Variants in FRYL observed in about 807,000 individuals in gnomAD.
FRYL encodes the protein FRY like transcription coactivator.
Under a neutral mutation model 351.2 loss-of-function variants are expected in FRYL, and 150 were observed. The ratio of observed to expected loss-of-function variants is 0.43; its 90% CI spans 0.37 to 0.49. FRYL has a LOEUF of 0.49. Ranked by LOEUF, FRYL falls within the 20% of genes least tolerant of loss-of-function variation. The pLI is 0.00. For missense variants in FRYL, 3,036 were observed against 3,619.3 expected (o/e 0.84, Z 4.13); for synonymous variants, 1,153 against 1,257.1 (o/e 0.92, Z 1.75).
chr4:48,537,007 AT>A (rs2148911258), intron 47 of FRYL, among the ~76,000 whole-genome samples: 1 of 152,302 alleles, frequency 6.6e-6, no homozygotes, highest in South Asian at 2.1e-4. Flanking sequence ...AGCTGATTTC[AT>A]GCAGTAGTGT....
chr4:48,674,081 T>C (rs1431797644), intron 3 of FRYL, among the ~76,000 whole-genome samples: 2 of 152,252 alleles, frequency 1.3e-5, no homozygotes, highest in Non-Finnish European at 2.9e-5. Flanking sequence ...TGTTAAAATA[T>C]ATTTTTTGTT....
At chr4:48,765,389 T>C (rs567328588) in intron 1 of FRYL, among the ~76,000 whole-genome samples, 1 of 152,150 alleles carries the variant, frequency 6.6e-6, no homozygotes, top group South Asian at 2.1e-4. Context: ...GTGCCAAAAA[T>C]GTACAAGGGG....
chr4:48,713,149 G>A (rs1386526342), intron 1 of FRYL, among the ~76,000 whole-genome samples: 3 of 151,824 alleles, frequency 2.0e-5, no homozygotes, highest in Admixed American at 2.0e-4. Context: ...AGACCATCGA[G>A]ACTAGGAAGA....
chr4:48,565,175 A>G (rs1467436466), intron 29 of FRYL, 132 bp from the exon 30 acceptor site: 1 of 520,182 alleles, frequency 1.9e-6, no homozygotes, highest in Non-Finnish European at 3.3e-6. Context: ...TATTTTTTAA[A>G]ACTGAGAAAT....
At chr4:48,628,425 C>A (rs1394437327) in intron 4 of FRYL, among the ~76,000 whole-genome samples, 1 of 71,610 alleles carries the variant, frequency 1.4e-5, no homozygotes, top group African/African-American at 4.2e-5. Flanking sequence ...ATCTCCCCTT[C>A]ATTTGCGTGT....
rs868782779 is a variant in FRYL, at chr4:48,724,534, T to G, written c.-383-13836A>C. On this transcript the variant is annotated intron_variant, in intron 1 of 63. Coordinates refer to ENST00000358350, the MANE Select transcript of FRYL (RefSeq NM_015030.2). ...AGTTTATCATCCAATATTTGTTTACTGTTTGTCTACCCGACTAAAAAGCAA... is the reference window on the plus strand; with the variant it reads ...AGTTTATCATCCAATATTTGTTTACGGTTTGTCTACCCGACTAAAAAGCAA... 9.9e-5 allele frequency among the ~76,000 whole-genome samples: 15 copies of G among 152,220 alleles called. 1 individual carries two copies. Among genetic ancestry groups the G allele is most frequent in the Middle Eastern group, 3.2e-3 (1 of 316 alleles).
chr4:48,662,404 C>T (rs1382211539), intron 3 of FRYL, among the ~76,000 whole-genome samples: 1 of 151,714 alleles, frequency 6.6e-6, no homozygotes, highest in African/African-American at 2.4e-5. Context: ...CAGAGCGAGA[C>T]CCTGTCTCTA....
In FRYL at chr4:48,714,855, T is replaced by C. The variant is rs1403103948; in HGVS notation, c.-383-4157A>G. 6.3e-4 allele frequency among the ~76,000 whole-genome samples: 94 copies of C among 148,362 alleles called. 1 individual carries two copies. Among genetic ancestry groups the C allele is most frequent in the Non-Finnish European group, 1.1e-3 (73 of 66,416 alleles). On this transcript the variant is annotated intron_variant, in intron 1 of 63. Transcript: ENST00000358350. ...TTTAGACCAATATCCTTGATGAACA[T>C]TGATGCAAAAATCCTCAATAAAATA...
In FRYL at chr4:48,714,834, G is replaced by C. The variant is rs1405336855; in HGVS notation, c.-383-4136C>G. On this transcript the variant is annotated intron_variant, in intron 1 of 63. Transcript: ENST00000358350. Reference sequence around the variant, plus strand: ...GACACAACCAAAAAAGAGAATTTTAGACCAATATCCTTGATGAACATTGAT... The same window carrying C: ...GACACAACCAAAAAAGAGAATTTTACACCAATATCCTTGATGAACATTGAT... Among the ~76,000 whole-genome samples, 8 of 149,020 alleles carry C rather than the reference G, an allele frequency of 5.4e-5. No homozygotes were observed. In the East Asian group the frequency reaches 1.6e-3, roughly 29 times the overall value.
intron 2 of FRYL, among the ~76,000 whole-genome samples, chr4:48,710,088 C>T (rs1767837712): frequency 6.6e-6 from 1 of 152,172 alleles, no homozygotes; most frequent in Non-Finnish European, 1.5e-5. Flanking sequence ...TATGAAAAGG[C>T]ACACATAGTG....
intron 1 of FRYL, among the ~76,000 whole-genome samples, chr4:48,741,922 G>T (rs1271122439): frequency 1.3e-5 from 2 of 152,178 alleles, no homozygotes; most frequent in Non-Finnish European, 2.9e-5. Flanking sequence ...AAGCTACTTT[G>T]TATACTATAA....
chr4:48,564,243 TCTCA>T, intron 30 of FRYL, 141 bp from the exon 31 acceptor site: 3 of 952,772 alleles, frequency 3.1e-6, no homozygotes, highest in Non-Finnish European at 4.5e-6. Context: ...TTCACCTCCC[TCTCA>T]TTTTATTCAG....
intron 25 of FRYL, 129 bp from the exon 26 acceptor site, chr4:48,573,372 AT>A (rs1244038458): frequency 6.6e-6 from 4 of 610,282 alleles, no homozygotes; most frequent in African/African-American, 5.7e-5. Flanking sequence ...CACAATGTCT[AT>A]TTTTTTATTT....
At chr4:48,646,989 C>A (rs149119330) in intron 3 of FRYL, among the ~76,000 whole-genome samples, 10 of 152,152 alleles carry the variant, frequency 6.6e-5, no homozygotes, top group African/African-American at 2.4e-4. Flanking sequence ...TGGGTTTAAT[C>A]AACAAAAAGG....
chr4:48,531,499 G>T, intron 49 of FRYL, 146 bp from the exon 50 acceptor site: 1 of 623,586 alleles, frequency 1.6e-6, no homozygotes. Flanking sequence ...AAAGGTTTGA[G>T]TTACAAAAGG....
At chr4:48,776,048 A>G (rs1334156861) in intron 1 of FRYL, among the ~76,000 whole-genome samples, 1 of 151,700 alleles carries the variant, frequency 6.6e-6, no homozygotes, top group Middle Eastern at 3.2e-3. Flanking sequence ...GAGGTTAAAA[A>G]AAAAAAGAAA....
chr4:48,601,940 A>G, intron 13 of FRYL, 80 bp downstream of exon 13: 4 of 788,990 alleles, frequency 5.1e-6, no homozygotes, highest in Non-Finnish European at 8.6e-6. Context: ...CAAAAGTTTC[A>G]TTATGCACTG....
At chr4:48,654,612 G>A (rs1381053564) in intron 3 of FRYL, among the ~76,000 whole-genome samples, 3 of 152,128 alleles carry the variant, frequency 2.0e-5, no homozygotes, top group African/African-American at 7.2e-5. Flanking sequence ...ACTCAAAAGC[G>A]ATAACTCTAT....
At chr4:48,612,760 T>TTG in intron 7 of FRYL, among the ~76,000 whole-genome samples, 1 of 151,574 alleles carries the variant, frequency 6.6e-6, no homozygotes, top group Non-Finnish European at 1.5e-5. Context: ...TTTTTTTTTT[T>TTG]TTGTATTTTT....
Sources: gnomAD v4.1 joint callset for allele counts (sites outside exome capture counted in the v4.1 genomes callset) on GRCh38, gnomAD v4.1.1 for gene constraint, MANE v1.5 for transcripts, NCBI Gene and HGNC (gene_info 2026-07-23, HGNC 2026-07-21) for gene names.